Variants in DAB2IP observed in about 807,000 individuals in gnomAD.
DAB2IP encodes the protein disabled homolog 2-interacting protein.
In DAB2IP, 28 loss-of-function variants were observed where a neutral mutation model predicts 107.2. That is an observed-to-expected ratio of 0.26 (90% confidence interval 0.19 to 0.36). The LOEUF is 0.36. Among genes scored for constraint, DAB2IP ranks in the 10% least tolerant of loss-of-function variants. DAB2IP has a pLI of 1.00. For missense variants in DAB2IP, 1,400 were observed against 1,644.7 expected (o/e 0.85, Z 2.57); for synonymous variants, 755 against 706.4 (o/e 1.07, Z -1.09).
chr9:121,625,462 A>G (rs988170641), intron 1 of DAB2IP, among the ~76,000 whole-genome samples: 5 of 151,578 alleles, frequency 3.3e-5, no homozygotes, highest in South Asian at 2.1e-4. Flanking sequence ...GGATTTTGCT[A>G]TGTTAGCCAG....
At chr9:121,713,492 A>G (rs1245830439) in intron 3 of DAB2IP, among the ~76,000 whole-genome samples, 1 of 151,952 alleles carries the variant, frequency 6.6e-6, no homozygotes, top group Non-Finnish European at 1.5e-5. Context: ...CCCGACTCTC[A>G]CCCTTTTCCT....
At chr9:121,733,066 C>T (rs540323782) in intron 3 of DAB2IP, among the ~76,000 whole-genome samples, 16 of 152,362 alleles carry the variant, frequency 1.1e-4, no homozygotes, top group African/African-American at 3.6e-4. Flanking sequence ...TACAACTGGT[C>T]TCTTCAGAAG....
intron 3 of DAB2IP, among the ~76,000 whole-genome samples, chr9:121,700,760 C>T (rs1004043348): frequency 2.6e-5 from 4 of 152,160 alleles, no homozygotes; most frequent in African/African-American, 9.7e-5. Context: ...CCCAGAGCCG[C>T]GCTCTCCAGT....
intron 1 of DAB2IP, among the ~76,000 whole-genome samples, chr9:121,663,278 G>C (rs749302830): frequency 2.0e-5 from 3 of 152,202 alleles, no homozygotes; most frequent in Non-Finnish European, 4.4e-5. Flanking sequence ...CGGCCAACCA[G>C]AGACCAACAA....
chr9:121,679,853 C>CAGAG (rs10668803), intron 2 of DAB2IP, among the ~76,000 whole-genome samples: 17 of 150,158 alleles, frequency 1.1e-4, no homozygotes, highest in African/African-American at 3.4e-4. Context: ...TAGGCAAGGA[C>CAGAG]AGAGAGAGAG....
intron 3 of DAB2IP, among the ~76,000 whole-genome samples, chr9:121,720,273 G>A (rs1416017978): frequency 2.6e-5 from 4 of 152,178 alleles, no homozygotes; most frequent in East Asian, 1.9e-4. Context: ...CCTGTGGACC[G>A]GGCCCAGGCC....
intron 10 of DAB2IP, among the ~76,000 whole-genome samples, chr9:121,769,749 A>G (rs889244962): frequency 3.3e-5 from 5 of 152,212 alleles, no homozygotes; most frequent in African/African-American, 1.2e-4. Context: ...AGCCAACACT[A>G]GTCACTGTCA....
chr9:121,724,569 T>G (rs1330363168), intron 3 of DAB2IP, among the ~76,000 whole-genome samples: 1 of 152,228 alleles, frequency 6.6e-6, no homozygotes, highest in African/African-American at 2.4e-5. Context: ...AGTAGAACAT[T>G]TATGTCTTGT....
chr9:121,631,865 A>G (rs997821054), intron 1 of DAB2IP, among the ~76,000 whole-genome samples: 6 of 149,138 alleles, frequency 4.0e-5, no homozygotes, highest in Non-Finnish European at 8.9e-5. Flanking sequence ...CTGTTGGCCC[A>G]GGGAACCGTG....
chr9:121,730,262 A>G (rs1405684043), intron 3 of DAB2IP, among the ~76,000 whole-genome samples: 2 of 152,220 alleles, frequency 1.3e-5, no homozygotes, highest in East Asian at 3.8e-4. Context: ...CAGAAGGGAC[A>G]TGGGAAACCT....
rs1344806984 is a variant in DAB2IP, at chr9:121,698,989, T to TCCCGGTACTCCCCCTCGC, written c.229-330_229-313dup. On this transcript the variant is annotated intron_variant, in intron 2 of 15. Coordinates refer to ENST00000408936, the Ensembl canonical transcript of DAB2IP. The surrounding 1 kb of genome is among the most constrained non-coding windows in gnomAD (Gnocchi z 4.1). The stretch of plus-strand genomic sequence containing the variant: ...GCCCCTCCGCAGCCCCGCCCCCTCG[T>TCCCGGTACTCCCCCTCGC]CCCGGTACTCCCCCTCGCCCCGGCG... 3.2e-4 allele frequency among the ~76,000 whole-genome samples: 49 copies of TCCCGGTACTCCCCCTCGC among 151,410 alleles called. No homozygotes were observed. The highest frequency in any genetic ancestry group is 5.6e-4 in the Non-Finnish European group (38 of 67,768).
chr9:121,588,760 G>T (rs537819596), intron 1 of DAB2IP, among the ~76,000 whole-genome samples: 3 of 152,066 alleles, frequency 2.0e-5, no homozygotes, highest in Admixed American at 1.3e-4. Flanking sequence ...ATCCTGAGCT[G>T]TGCCAAACTT....
intron 1 of DAB2IP, among the ~76,000 whole-genome samples, chr9:121,624,400 C>T (rs983537037): frequency 3.9e-5 from 6 of 152,194 alleles, no homozygotes; most frequent in Non-Finnish European, 7.3e-5. Context: ...CCAGACCATG[C>T]CACTTACAAA....
chr9:121,756,396 G>A (rs1036735422), intron 3 of DAB2IP, among the ~76,000 whole-genome samples: 3 of 152,246 alleles, frequency 2.0e-5, no homozygotes, highest in Non-Finnish European at 4.4e-5. Context: ...CCCCGATGGA[G>A]TGTGTGTCTT....
chr9:121,611,053 G>T (rs903913335), intron 1 of DAB2IP, among the ~76,000 whole-genome samples: 8 of 152,154 alleles, frequency 5.3e-5, no homozygotes, highest in Admixed American at 5.2e-4. Flanking sequence ...TTGGCTCACT[G>T]CAACCTCTGC....
chr9:121,715,000 C>G (rs890141294), intron 3 of DAB2IP, among the ~76,000 whole-genome samples: 1 of 152,240 alleles, frequency 6.6e-6, no homozygotes, highest in Non-Finnish European at 1.5e-5. Context: ...GCGAGGAAAC[C>G]AGGACTGAAG....
intron 14 of DAB2IP, 42 bp from the exon 15 acceptor site, chr9:121,781,422 T>G (rs763208556): frequency 6.2e-7 from 1 of 1,603,284 alleles, no homozygotes; most frequent in Middle Eastern, 1.7e-4. Flanking sequence ...CCACCTCTGC[T>G]GCCTCCAGGG....
chr9:121,720,981 C>T (rs745926422), intron 3 of DAB2IP, among the ~76,000 whole-genome samples: 1 of 152,198 alleles, frequency 6.6e-6, no homozygotes, highest in Non-Finnish European at 1.5e-5. Context: ...CAAAGAGGGG[C>T]AGACCTCCTG....
intron 3 of DAB2IP, chr9:121,743,014 TGGAGCAGTCAGGGCCTCGTGGAG>T: frequency 4.1e-6 from 4 of 984,580 alleles, no homozygotes; most frequent in Non-Finnish European, 4.8e-6. Flanking sequence ...CCAGGTGGGA[TGGAGCAGTCAGGGCCTCGTGGAG>T]GGAGCAGGTG....
Sources: allele counts gnomAD v4.1 joint callset (sites outside exome capture counted in the v4.1 genomes callset), GRCh38; gene constraint gnomAD v4.1.1; non-coding constraint Gnocchi (gnomAD v3.1); transcripts MANE v1.5; gene names NCBI Gene and HGNC (gene_info 2026-07-23, HGNC 2026-07-21).